PLA2G2F: variants seen among roughly 807,000 people sequenced by gnomAD.
PLA2G2F encodes the protein group IIF secretory phospholipase A2.
A neutral mutation model predicts 15.9 loss-of-function variants in PLA2G2F; 17 were observed. The ratio of observed to expected loss-of-function variants is 1.07; its 90% confidence interval spans 0.73 to 1.60. The LOEUF (loss-of-function observed/expected upper bound fraction) is 1.60. Among genes scored for constraint, PLA2G2F ranks in the 40% most tolerant of loss-of-function variants. PLA2G2F has a pLI of 0.00. For synonymous variants in PLA2G2F, 119 were observed against 106.5 expected (o/e 1.12, Z -0.72); for missense variants, 299 against 278.2 (o/e 1.07, Z -0.53).
intron 3 of PLA2G2F, 59 bp downstream of exon 3, chr1:20,143,649 A>C: frequency 1.3e-6 from 2 of 1,579,822 alleles, no homozygotes; most frequent in South Asian, 2.3e-5. Flanking sequence ...TGAAGGTCAG[A>C]CTGACCTTGC....
intron 3 of PLA2G2F, chr1:20,144,078 T>A (rs1205955433): frequency 5.4e-6 from 1 of 185,056 alleles, no homozygotes; most frequent in Admixed American, 5.5e-5. Flanking sequence ...ATTGACTAGC[T>A]GACTTCACGC....
chr1:20,147,611 G>T (rs2017639199), intron 4 of PLA2G2F, among the ~76,000 whole-genome samples: 1 of 152,064 alleles, frequency 6.6e-6, no homozygotes, highest in Non-Finnish European at 1.5e-5. Flanking sequence ...ACCACGCCTG[G>T]CTAATTTTTT....
intron 4 of PLA2G2F, among the ~76,000 whole-genome samples, chr1:20,147,748 C>A (rs915505108): frequency 2.6e-5 from 4 of 152,204 alleles, no homozygotes; most frequent in Non-Finnish European, 5.9e-5. Flanking sequence ...CTGCGCCCGG[C>A]AATAACTCCC....
chr1:20,139,642 G>C, intron 1 of PLA2G2F, 99 bp downstream of exon 1: 2 of 929,748 alleles, frequency 2.2e-6, no homozygotes, highest in Admixed American at 3.1e-5. Context: ...GAGTCCACGT[G>C]GTGGGCAGAA....
chr1:20,143,465 C>A lies in PLA2G2F; in HGVS notation c.189C>A (p.Gly63=). The A allele has an allele frequency of 6.2e-7, 1 of 1,614,036 alleles. No individual in the cohort carries two copies. Among genetic ancestry groups the A allele is most frequent in the Non-Finnish European group, 8.5e-7 (1 of 1,179,944 alleles). ...LAGSVLSTAH[G]SLLNLKAMVE... ...TTGCAGTTCTGTCCACAGCTCACGGCAGCCTGCTCAACCTGAAGGCCATGG... is the reference window on the plus strand; with the variant it reads ...TTGCAGTTCTGTCCACAGCTCACGGAAGCCTGCTCAACCTGAAGGCCATGG... Residue 63 remains glycine, a synonymous_variant, in exon 3 of 5, where the codon GGC becomes GGA. Coordinates refer to ENST00000375102, the MANE Select transcript of PLA2G2F (RefSeq NM_022819.4).
At chr1:20,140,139 C>G in intron 1 of PLA2G2F, 27 bp from the exon 2 acceptor site, 1 of 1,612,268 alleles carries the variant, frequency 6.2e-7, no homozygotes, top group Non-Finnish European at 8.5e-7. Context: ...GGGATGGACT[C>G]AAGCTCCGGG....
At chr1:20,147,449 TTC>T (rs2100697129) in intron 4 of PLA2G2F, among the ~76,000 whole-genome samples, 1 of 150,806 alleles carries the variant, frequency 6.6e-6, no homozygotes, top group African/African-American at 2.5e-5. Flanking sequence ...TAACTCCCTC[TTC>T]TTTTTTTTTT....
At chr1:20,145,317 C>T (rs1202312549) in intron 4 of PLA2G2F, among the ~76,000 whole-genome samples, 2 of 148,292 alleles carry the variant, frequency 1.3e-5, no homozygotes, top group African/African-American at 5.0e-5. Context: ...CAGTCTCTCT[C>T]TGTCGCAAGG....
At chr1:20,147,247 G>T (rs1004329174) in intron 4 of PLA2G2F, among the ~76,000 whole-genome samples, 11 of 152,040 alleles carry the variant, frequency 7.2e-5, no homozygotes, top group African/African-American at 2.7e-4. Flanking sequence ...TAGGGGTGAG[G>T]TCCAGCAGTC....
chr1:20,145,285 T>G (rs1176211764), intron 4 of PLA2G2F, among the ~76,000 whole-genome samples: 1 of 128,406 alleles, frequency 7.8e-6, no homozygotes, highest in Non-Finnish European at 1.6e-5. Flanking sequence ...AAAACATGTA[T>G]TTTTTTTTTT....
rs185886190 is a variant in PLA2G2F, at chr1:20,139,510, G to A, written c.83G>A (p.Arg28His). 2.8e-4 allele frequency: 441 copies of A among 1,571,278 alleles called. 8 individuals are homozygous for A. In the East Asian group the frequency reaches 7.8e-3, roughly 28 times the overall value. The change falls in exon 1 of 5, where the codon CGC (arginine) becomes CAC (histidine). Residue 28 changes from arginine to histidine, a missense_variant. Transcript: ENST00000375102. The part of the protein sequence containing the change: ...DRCFSGWRGP[R>H]FGASCPSRTS... ...TGCTTCTCTGGGTGGAGGGGCCCACGCTTCGGGGCCTCCTGTCCTTCAAGA... is the reference window on the plus strand; with the variant it reads ...TGCTTCTCTGGGTGGAGGGGCCCACACTTCGGGGCCTCCTGTCCTTCAAGA...
At chr1:20,146,376 G>C (rs970512772) in intron 4 of PLA2G2F, among the ~76,000 whole-genome samples, 1 of 152,180 alleles carries the variant, frequency 6.6e-6, no homozygotes, top group African/African-American at 2.4e-5. Context: ...CTCCATCCTA[G>C]GACGCCCAGT....
intron 4 of PLA2G2F, among the ~76,000 whole-genome samples, chr1:20,145,866 C>G (rs2017594256): frequency 6.6e-6 from 1 of 152,172 alleles, no homozygotes; most frequent in African/African-American, 2.4e-5. Flanking sequence ...CTTCTGCTTC[C>G]CAAAGTGCTG....
In PLA2G2F at chr1:20,150,030, C is replaced by T. The variant is rs184787791; in HGVS notation, c.*1629C>T. The stretch of plus-strand genomic sequence containing the variant: ...ATGAAAAAAGGACAGGAAACCTGAC[C>T]AGAGGCGGTTTCCAGAGCCCCAGCC... On this transcript the variant is annotated 3_prime_UTR_variant, in exon 5 of 5. Coordinates refer to ENST00000375102, the MANE Select transcript of PLA2G2F (RefSeq NM_022819.4). The T allele has an allele frequency of 5.3e-3, 815 of 152,430 alleles. 5 individuals carry two copies. Among genetic ancestry groups the T allele is most frequent in the African/African-American group, 0.019 (783 of 41,560 alleles). The allele number at this position is 152,430 out of a possible 1,614,324, so 9.4% of individuals were successfully genotyped here. A position where few individuals can be genotyped will look rare whatever the true frequency, so the allele number is the denominator to read the frequency against.
At chr1:20,143,635 C>G (rs1189736838) in intron 3 of PLA2G2F, 45 bp downstream of exon 3, 2 of 1,600,668 alleles carry the variant, frequency 1.2e-6, no homozygotes, top group Non-Finnish European at 1.7e-6. Context: ...CAAATGAGGA[C>G]AGCTGAAGGT....
intron 2 of PLA2G2F, 113 bp from the exon 3 acceptor site, chr1:20,143,333 C>G: frequency 7.3e-7 from 1 of 1,368,530 alleles, no homozygotes; most frequent in Non-Finnish European, 9.9e-7. Flanking sequence ...CCTTCCTTCT[C>G]CCACCTACCC....
At chr1:20,143,898 A>G in intron 3 of PLA2G2F, 1 of 275,500 alleles carries the variant, frequency 3.6e-6, no homozygotes, top group Non-Finnish European at 6.9e-6. Flanking sequence ...ACACCCCACA[A>G]AGGCAAGGGC....
At position 20,143,552 on chromosome 1, in the gene PLA2G2F, G is replaced by C; in HGVS notation, c.276G>C (p.Gly92=). 6.2e-7 allele frequency: 1 copy of C among 1,614,048 alleles called. No individual in the cohort carries two copies. Among genetic ancestry groups the C allele is most frequent in the Non-Finnish European group, 8.5e-7 (1 of 1,179,960 alleles). Residue 92 remains glycine, a synonymous_variant, in exon 3 of 5, where the codon GGG becomes GGC. Coordinates refer to ENST00000375102, the MANE Select transcript of PLA2G2F (RefSeq NM_022819.4). The part of the protein sequence containing the change: ...LSFVGYGCYC[G]LGGRGQPKDE... ...TCGTGGGCTACGGTTGCTACTGTGG[G>C]CTGGGGGGCCGTGGCCAGCCCAAGG...
At chr1:20,145,536 T>G (rs2017571664) in intron 4 of PLA2G2F, among the ~76,000 whole-genome samples, 1 of 152,042 alleles carries the variant, frequency 6.6e-6, no homozygotes, top group Non-Finnish European at 1.5e-5. Flanking sequence ...CACCTCGGCC[T>G]CCCAAAGTGC....
Sources: gnomAD v4.1 joint callset for allele counts (sites outside exome capture counted in the v4.1 genomes callset) on GRCh38, gnomAD v4.1.1 for gene constraint, MANE v1.5 for transcripts, NCBI Gene and HGNC (gene_info 2026-07-23, HGNC 2026-07-21) for gene names.